Variants in ZNRF3 observed in about 807,000 individuals in gnomAD.
ZNRF3 encodes zinc and ring finger 3, also known as E3 ubiquitin-protein ligase ZNRF3.
ZNRF3 carries 23 observed loss-of-function variants against 72.5 expected under a neutral mutation model. The observed-to-expected ratio is 0.32, with a 90% CI of 0.23 to 0.45. The LOEUF is 0.45. ZNRF3 is among the 20% of genes least tolerant of loss of function. The pLI is 1.00. For synonymous variants in ZNRF3, 610 were observed against 545.3 expected, an observed-to-expected ratio of 1.12 and a Z score of -1.65; for missense variants, 1,169 against 1,272.1, an observed-to-expected ratio of 0.92 and a Z score of 1.23.
intron 2 of ZNRF3, among the ~76,000 whole-genome samples, chr22:29,021,252 A>G (rs888761564): frequency 3.9e-5 from 6 of 152,052 alleles, no homozygotes; most frequent in African/African-American, 7.2e-5. Flanking sequence ...AAATAAATAA[A>G]TAAATAAAAA....
rs560413341 is a variant in ZNRF3, at chr22:28,947,418, G to C, written c.301-39658G>C. 9.2e-5 allele frequency among the ~76,000 whole-genome samples: 14 copies of C among 152,304 alleles called. No homozygotes were observed. In the South Asian group the frequency reaches 1.9e-3, roughly 20 times the overall value. On this transcript the variant is annotated intron_variant, in intron 1 of 8. Coordinates refer to ENST00000544604, the MANE Select transcript of ZNRF3 (RefSeq NM_001206998.2). ...TATTTGCCACTCTGTTTCATGTCTT[G>C]AGGAATTGCCAGACTGTTTTCCAAC...
intron 1 of ZNRF3, among the ~76,000 whole-genome samples, chr22:28,915,870 A>G (rs963860135): frequency 6.6e-6 from 1 of 152,098 alleles, no homozygotes; most frequent in Non-Finnish European, 1.5e-5. Flanking sequence ...ATCCCACCCC[A>G]TGCATCCAGT....
chr22:28,948,172 T>A lies in ZNRF3; in HGVS notation c.301-38904T>A, dbSNP rs531520354. On this transcript the variant is annotated intron_variant, in intron 1 of 8. Transcript: ENST00000544604. ...ATAACGTTTTTTATTTAAAAAAAAA[T>A]TTTTTTAAAAAAGATGTGGTCCTGC... is the stretch of plus-strand genomic sequence containing the variant. Among the ~76,000 whole-genome samples, 117 of 149,614 alleles carry A rather than the reference T, an allele frequency of 7.8e-4. 3 individuals carry two copies. The highest frequency in any genetic ancestry group is 2.1e-3 in the South Asian group (10 of 4,696).
At chr22:29,040,018 T>C (rs1362247224) in intron 2 of ZNRF3, among the ~76,000 whole-genome samples, 3 of 152,120 alleles carry the variant, frequency 2.0e-5, no homozygotes, top group Non-Finnish European at 4.4e-5. Flanking sequence ...CCTCACACTT[T>C]TTCAGCTGTG....
chr22:29,048,470 C>G lies in ZNRF3; in HGVS notation c.994C>G (p.His332Asp), dbSNP rs372790629. Residue 332 changes from histidine (H) to aspartate (D), a missense_variant, in exon 7 of 9, where the codon CAC (histidine) becomes GAC (aspartate). Physicochemically the swap from His to Asp is moderately conservative, Grantham distance 81. This residue lies in a region of ZNRF3 where 386 missense variants were observed against 540.7 expected (regional missense o/e 0.71). Coordinates refer to ENST00000544604, the MANE Select transcript of ZNRF3 (RefSeq NM_001206998.2). The surrounding 1 kb of genome is among the most constrained non-coding windows in gnomAD (Gnocchi z 4.9). ...PWLLQHHTCP[H>D]CRHNIIEQKG... Reference sequence around the variant, plus strand: ...GCTGCTGCAGCACCACACCTGCCCCCACTGTCGGCACAACATCATAGGTAA... The same window carrying G: ...GCTGCTGCAGCACCACACCTGCCCCGACTGTCGGCACAACATCATAGGTAA... 47 of 1,614,076 alleles carry G rather than the reference C, an allele frequency of 2.9e-5. No individual in the cohort carries two copies. In the African/African-American group the frequency reaches 5.9e-4, roughly 20 times the overall value.
chr22:29,005,933 C>T (rs1445599790), intron 2 of ZNRF3, among the ~76,000 whole-genome samples: 4 of 151,698 alleles, frequency 2.6e-5, no homozygotes, highest in African/African-American at 7.3e-5. Flanking sequence ...TATCGGGAGG[C>T]TGAGGCAGGA....
intron 1 of ZNRF3, among the ~76,000 whole-genome samples, chr22:28,922,822 C>G (rs1033805945): frequency 6.6e-5 from 10 of 152,142 alleles, no homozygotes; most frequent in Non-Finnish European, 7.3e-5. Flanking sequence ...TGCTTGTGCC[C>G]CCATATAACC....
At chr22:28,972,655 C>T (rs2035597721) in intron 1 of ZNRF3, among the ~76,000 whole-genome samples, 2 of 152,146 alleles carry the variant, frequency 1.3e-5, no homozygotes, top group Admixed American at 1.3e-4. Context: ...CATATGGTCA[C>T]TCTATGTTTA....
At chr22:29,005,761 C>T (rs1353256624) in intron 2 of ZNRF3, among the ~76,000 whole-genome samples, 1 of 152,116 alleles carries the variant, frequency 6.6e-6, no homozygotes, top group East Asian at 1.9e-4. Flanking sequence ...AGGGCTGCTA[C>T]ATGATGACAC....
At chr22:28,912,577 A>G (rs2034336804) in intron 1 of ZNRF3, among the ~76,000 whole-genome samples, 1 of 151,862 alleles carries the variant, frequency 6.6e-6, no homozygotes, top group Admixed American at 6.6e-5. Context: ...TCTGGATAAG[A>G]TAGGGAGAAT....
intron 1 of ZNRF3, among the ~76,000 whole-genome samples, chr22:28,983,674 C>T (rs2123825219): frequency 6.6e-6 from 1 of 152,326 alleles, no homozygotes; most frequent in Admixed American, 6.5e-5. Flanking sequence ...AGCTTTACCT[C>T]ATGTCATATT....
At chr22:29,020,123 C>CTCTGA (rs776332709) in intron 2 of ZNRF3, among the ~76,000 whole-genome samples, 9 of 151,524 alleles carry the variant, frequency 5.9e-5, no homozygotes, top group Non-Finnish European at 5.9e-5. Context: ...TTTAAATCAT[C>CTCTGA]TCTGATTACT....
chr22:28,905,639 T>C (rs188707047), intron 1 of ZNRF3, among the ~76,000 whole-genome samples: 1 of 152,282 alleles, frequency 6.6e-6, no homozygotes, highest in Admixed American at 6.5e-5. Flanking sequence ...ATTACTGAAT[T>C]CTCAGCTGCT....
chr22:29,023,066 C>T (rs374400389), intron 2 of ZNRF3, among the ~76,000 whole-genome samples: 1 of 152,168 alleles, frequency 6.6e-6, no homozygotes, highest in African/African-American at 2.4e-5. Flanking sequence ...AAATGCTTGG[C>T]TTCAAATTTC....
chr22:28,961,782 G>A (rs562704866), intron 1 of ZNRF3, among the ~76,000 whole-genome samples: 6 of 152,282 alleles, frequency 3.9e-5, no homozygotes, highest in East Asian at 1.9e-4. Flanking sequence ...GCTTCTCACC[G>A]TTGCTATTTG....
chr22:28,905,170 C>T (rs557709731), intron 1 of ZNRF3, among the ~76,000 whole-genome samples: 9 of 152,112 alleles, frequency 5.9e-5, no homozygotes, highest in Admixed American at 3.3e-4. Context: ...TTCCTGGGCT[C>T]GAGCAATCCT....
chr22:28,937,389 C>T (rs73881197), intron 1 of ZNRF3, among the ~76,000 whole-genome samples: 2,395 of 151,530 alleles, frequency 0.016, 74 homozygotes, highest in African/African-American at 0.056. Context: ...AACTAGACTG[C>T]GCCTGCCTCC....
At chr22:29,028,499 A>G (rs1401527160) in intron 2 of ZNRF3, among the ~76,000 whole-genome samples, 3 of 152,232 alleles carry the variant, frequency 2.0e-5, no homozygotes, top group Non-Finnish European at 4.4e-5. Context: ...TAAGCTATTA[A>G]TGGAATATTT....
At chr22:29,024,679 T>C (rs1166823289) in intron 2 of ZNRF3, among the ~76,000 whole-genome samples, 3 of 152,142 alleles carry the variant, frequency 2.0e-5, no homozygotes, top group Non-Finnish European at 4.4e-5. Context: ...TGTACCTTCA[T>C]GGTATATGCT....
Sources: allele counts gnomAD v4.1 joint callset (sites outside exome capture counted in the v4.1 genomes callset), GRCh38; gene constraint gnomAD v4.1.1; regional missense constraint gnomAD v4.1.1; non-coding constraint Gnocchi (gnomAD v3.1); transcripts MANE v1.5; gene names NCBI Gene and HGNC (gene_info 2026-07-23, HGNC 2026-07-21).